The following NAV3 variants were observed in gnomAD, a reference collection of about 807,000 sequenced individuals.
NAV3 encodes neuron navigator 3.
In NAV3, 87 loss-of-function variants were observed where a neutral mutation model predicts 244.7. The ratio of observed to expected loss-of-function variants is 0.36; its 90% confidence interval spans 0.30 to 0.42. NAV3 has a LOEUF of 0.42. Ranked by LOEUF, NAV3 falls within the 20% of genes least tolerant of loss-of-function variation. The pLI is 1.00. For synonymous variants in NAV3, 1,126 were observed against 1,042.2 expected (o/e 1.08, Z -1.55); for missense variants, 2,663 against 2,893.3 (o/e 0.92, Z 1.83).
intron 12 of NAV3, among the ~76,000 whole-genome samples, chr12:78,078,377 T>C (rs75700562): frequency 7.5e-4 from 10 of 13,246 alleles, no homozygotes; most frequent in Admixed American, 6.1e-3. Flanking sequence ...TTTCCACTCT[T>C]TTTTTTTTTT....
rs577535961 is a variant in NAV3 at position 77,836,115 on chromosome 12, C to T, written c.243+4411C>T. Among the ~76,000 whole-genome samples, 31 of 152,346 alleles carry T rather than the reference C, an allele frequency of 2.0e-4. No individual in the cohort carries two copies. The South Asian group carries it at 3.5e-3, about 17-fold the overall frequency. On this transcript the variant is annotated intron_variant, in intron 1 of 39. Transcript: ENST00000397909. Reference sequence around the variant, plus strand: ...TGTTTTTCCATTCTTCCTGGGCATACACCCAAATGAAGAACAGAGTCACTT... The same window carrying T: ...TGTTTTTCCATTCTTCCTGGGCATATACCCAAATGAAGAACAGAGTCACTT...
intron 2 of NAV3, among the ~76,000 whole-genome samples, chr12:77,586,563 G>C (rs532384597): frequency 6.6e-6 from 1 of 152,206 alleles, no homozygotes; most frequent in East Asian, 1.9e-4. Flanking sequence ...AAGTCTTAGA[G>C]AGCATCTACT....
At chr12:77,720,620 C>A (rs1318796439) in intron 2 of NAV3, among the ~76,000 whole-genome samples, 2 of 152,102 alleles carry the variant, frequency 1.3e-5, no homozygotes, top group Non-Finnish European at 2.9e-5. Context: ...TCCTCAAAAA[C>A]CAGAATGTTA....
chr12:78,000,249 G>C (rs1593240138), intron 7 of NAV3, among the ~76,000 whole-genome samples: 1 of 152,076 alleles, frequency 6.6e-6, no homozygotes, highest in African/African-American at 2.4e-5. Flanking sequence ...GGAGACAGAT[G>C]TCGTGTAATA....
chr12:77,930,994 A>G (rs148099271), intron 1 of NAV3, among the ~76,000 whole-genome samples: 340 of 152,212 alleles, frequency 2.2e-3, no homozygotes, highest in African/African-American at 7.4e-3. Context: ...AGCTTTTAGA[A>G]TATTCTTTTT....
chr12:77,776,068 G>C (rs1372548652), intron 2 of NAV3, among the ~76,000 whole-genome samples: 1 of 152,116 alleles, frequency 6.6e-6, no homozygotes, highest in Non-Finnish European at 1.5e-5. Context: ...TTAAGTATTG[G>C]GGAAGGCACA....
intron 23 of NAV3, among the ~76,000 whole-genome samples, chr12:78,162,419 TAG>T (rs1565743245): frequency 1.3e-5 from 2 of 152,094 alleles, no homozygotes; most frequent in African/African-American, 4.8e-5. Flanking sequence ...TCTATATCTA[TAG>T]ACATACCTAT....
chr12:77,617,258 G>C (rs1368453361), intron 2 of NAV3, among the ~76,000 whole-genome samples: 1 of 152,126 alleles, frequency 6.6e-6, no homozygotes, highest in African/African-American at 2.4e-5. Context: ...GTTCCCCAGT[G>C]ATCCCCACCA....
At chr12:77,921,507 T>C (rs1014549229) in intron 1 of NAV3, among the ~76,000 whole-genome samples, 2 of 152,058 alleles carry the variant, frequency 1.3e-5, no homozygotes, top group African/African-American at 4.8e-5. Flanking sequence ...TAAATGAATA[T>C]ATTAGAGCAG....
intron 2 of NAV3, among the ~76,000 whole-genome samples, chr12:77,741,167 G>GAAAA (rs1868327621): frequency 1.3e-5 from 1 of 76,070 alleles, no homozygotes; most frequent in Non-Finnish European, 2.8e-5. Flanking sequence ...AAAAAAAAAA[G>GAAAA]AAAAGAAAGA....
intron 1 of NAV3, among the ~76,000 whole-genome samples, chr12:77,900,565 C>A (rs1424665575): frequency 6.7e-6 from 1 of 149,828 alleles, no homozygotes; most frequent in African/African-American, 2.4e-5. Context: ...TGCACATGCA[C>A]ACGCGTATGT....
chr12:77,640,872 C>T (rs572796463), intron 2 of NAV3, among the ~76,000 whole-genome samples: 14 of 152,180 alleles, frequency 9.2e-5, no homozygotes, highest in African/African-American at 1.9e-4. Context: ...GATATGAGCT[C>T]CATGCAATTT....
intron 22 of NAV3, among the ~76,000 whole-genome samples, chr12:78,153,409 C>T (rs1025204447): frequency 3.3e-5 from 5 of 152,016 alleles, no homozygotes; most frequent in African/African-American, 1.2e-4. Context: ...GAAAGGAGAG[C>T]GGTTATATTG....
At chr12:78,099,736 A>G (rs1954445324) in intron 12 of NAV3, among the ~76,000 whole-genome samples, 4 of 151,952 alleles carry the variant, frequency 2.6e-5, no homozygotes, top group African/African-American at 9.7e-5. Context: ...TTATTCAAGT[A>G]ATGTGTTTAA....
intron 3 of NAV3, among the ~76,000 whole-genome samples, chr12:77,959,693 C>A (rs76982406): frequency 6.6e-6 from 1 of 151,574 alleles, no homozygotes; most frequent in Non-Finnish European, 1.5e-5. Context: ...TCATTTATTT[C>A]TATTAATCCC....
chr12:77,795,848 A>G (rs191064316), intron 2 of NAV3, among the ~76,000 whole-genome samples: 12 of 152,292 alleles, frequency 7.9e-5, no homozygotes, highest in Admixed American at 7.8e-4. Flanking sequence ...ATGGCAGCAC[A>G]TCTGTTTACA....
rs34518266 is a variant in NAV3 at position 77,723,755 on chromosome 12, CT to C, written c.72+151512del. On this transcript the variant is annotated intron_variant, in intron 2 of 8. Coordinates refer to the NAV3 transcript ENST00000550042. ...AGGAGTTTCTTCTTGGCAATCTTGA[CT>C]TTTTTTTTTTTTTTTTTTTTTTACA... Among the ~76,000 whole-genome samples the C allele has an allele frequency of 2.1e-3, 140 of 67,642 alleles. 1 individual carries two copies. The highest frequency in any genetic ancestry group is 4.2e-3 in the Admixed American group (20 of 4,714). The allele number at this position is 67,642 out of a possible 152,430, so 44.4% of individuals were successfully genotyped here. A position where few individuals can be genotyped will look rare whatever the true frequency, so the allele number is the denominator to read the frequency against.
intron 2 of NAV3, among the ~76,000 whole-genome samples, chr12:77,658,010 G>A (rs1379206955): frequency 6.6e-6 from 1 of 152,002 alleles, no homozygotes; most frequent in Admixed American, 6.6e-5. Context: ...CATACTGAAT[G>A]GGCAAAAACT....
intron 24 of NAV3, among the ~76,000 whole-genome samples, chr12:78,170,791 G>C (rs753370985): frequency 4.0e-5 from 6 of 151,708 alleles, no homozygotes; most frequent in Non-Finnish European, 5.9e-5. Context: ...TCAGCATAAA[G>C]ACTTTTCGAG....
Sources: allele counts gnomAD v4.1 joint callset (sites outside exome capture counted in the v4.1 genomes callset), GRCh38; gene constraint gnomAD v4.1.1; transcripts MANE v1.5; gene names NCBI Gene and HGNC (gene_info 2026-07-23, HGNC 2026-07-21).